LIMCH1: variants seen among roughly 807,000 people sequenced by gnomAD.
The protein encoded by LIMCH1 is LIM and calponin homology domains-containing protein 1.
In LIMCH1, 113 loss-of-function variants were observed where a neutral mutation model predicts 176.5. The observed-to-expected ratio is 0.64, with a 90% confidence interval of 0.55 to 0.75. The LOEUF (loss-of-function observed/expected upper bound fraction) is 0.75, where lower values mean the gene tolerates loss of function less well. Ranked by LOEUF, LIMCH1 falls within the 30% of genes least tolerant of loss-of-function variation. The probability of loss-of-function intolerance (pLI) is 0.00; values close to 1 mark genes in which losing one functional copy is unlikely to be tolerated. For synonymous variants in LIMCH1, 619 were observed against 645.9 expected (o/e 0.96, Z 0.63); for missense variants, 1,674 against 1,814.9 (o/e 0.92, Z 1.41).
chr4:41,381,891 A>G (rs1276427073), intron 1 of LIMCH1, among the ~76,000 whole-genome samples: 3 of 152,082 alleles, frequency 2.0e-5, no homozygotes, highest in African/African-American at 7.2e-5. Context: ...GGAGCTGTTC[A>G]TTTTAGGATG....
At chr4:41,680,225 C>T (rs1348010059) in intron 24 of LIMCH1, 127 bp downstream of exon 24, 5 of 661,226 alleles carry the variant, frequency 7.6e-6, no homozygotes, top group Non-Finnish European at 1.4e-5. Context: ...AGCAGAATCC[C>T]ATCAAGCTCT....
At chr4:41,573,319 T>TA (rs1279608169) in intron 1 of LIMCH1, among the ~76,000 whole-genome samples, 1 of 152,198 alleles carries the variant, frequency 6.6e-6, no homozygotes, top group Admixed American at 6.5e-5. Context: ...CTATGATATG[T>TA]AATCACTATG....
chr4:41,483,401 G>T (rs1179970142), intron 1 of LIMCH1, among the ~76,000 whole-genome samples: 1 of 152,130 alleles, frequency 6.6e-6, no homozygotes, highest in Non-Finnish European at 1.5e-5. Flanking sequence ...GAGTGGGAGA[G>T]TCCACGGAGA....
chr4:41,410,222 T>C (rs2059358102), intron 1 of LIMCH1, among the ~76,000 whole-genome samples: 2 of 152,012 alleles, frequency 1.3e-5, no homozygotes, highest in South Asian at 4.2e-4. Flanking sequence ...ACAAGGGAGG[T>C]ATGACTCAAG....
intron 1 of LIMCH1, among the ~76,000 whole-genome samples, chr4:41,465,397 T>C (rs572590339): frequency 1.4e-4 from 22 of 152,304 alleles, no homozygotes; most frequent in African/African-American, 5.3e-4. Flanking sequence ...CAAAATGTCT[T>C]GGCCAAATGA....
At chr4:41,361,712 A>G (rs6447061) in intron 1 of LIMCH1, among the ~76,000 whole-genome samples, 78,927 of 152,078 alleles carry the variant, frequency 0.52, 22,278 homozygotes, top group African/African-American at 0.75. Context: ...GGAAGCGCTC[A>G]CTGGGTGATC....
intron 1 of LIMCH1, among the ~76,000 whole-genome samples, chr4:41,417,942 T>TA (rs2060088550): frequency 6.6e-6 from 1 of 152,228 alleles, no homozygotes; most frequent in Admixed American, 6.5e-5. Context: ...TCCATTTTCT[T>TA]AAAAAGAAGT....
intron 3 of LIMCH1, among the ~76,000 whole-genome samples, chr4:41,530,794 T>TAAAAAAAAAAAAAAA (rs386399906): frequency 6.7e-5 from 2 of 30,056 alleles, no homozygotes; most frequent in African/African-American, 7.8e-4. Context: ...AAACCCCGCC[T>TAAAAAAAAAAAAAAA]AAAAAAAAAA....
In LIMCH1 at chr4:41,603,977, C is replaced by T. The variant is rs1374808796; in HGVS notation, c.-103+72C>T. 4 of 1,306,556 alleles carry T rather than the reference C, an allele frequency of 3.1e-6. No individual in the cohort carries two copies. The African/African-American group carries it at 4.4e-5, about 14-fold the overall frequency. The allele number at this position is 1,306,556 out of a possible 1,614,324, so 80.9% of individuals were successfully genotyped here. The stretch of plus-strand genomic sequence containing the variant: ...AAAATTTAGCTAATTCAGTGTTTCT[C>T]ATATGCCTTGCTGGAAAAAGTCCTT... On this transcript the variant is annotated intron_variant, in intron 3 of 31. Coordinates refer to ENST00000503057, the MANE Select transcript of LIMCH1 (RefSeq NM_001330672.2).
At chr4:41,594,916 A>C (rs2088440106) in intron 1 of LIMCH1, among the ~76,000 whole-genome samples, 1 of 152,158 alleles carries the variant, frequency 6.6e-6, no homozygotes, top group Non-Finnish European at 1.5e-5. Context: ...GTGGTGCCAA[A>C]TGATGTCCAG....
At chr4:41,653,308 G>A (rs986538335) in intron 18 of LIMCH1, among the ~76,000 whole-genome samples, 2 of 148,812 alleles carry the variant, frequency 1.3e-5, no homozygotes, top group African/African-American at 2.5e-5. Flanking sequence ...AGCATTTCTT[G>A]ACTGTGTTAC....
chr4:41,527,822 C>CAAA (rs34651693), intron 3 of LIMCH1, among the ~76,000 whole-genome samples: 14 of 47,104 alleles, frequency 3.0e-4, no homozygotes, highest in Admixed American at 8.9e-4. Flanking sequence ...GACTCCGTCT[C>CAAA]AAAAAAAAAA....
At chr4:41,505,160 C>G (rs184456621) in intron 2 of LIMCH1, among the ~76,000 whole-genome samples, 144 of 152,308 alleles carry the variant, frequency 9.5e-4, no homozygotes, top group African/African-American at 3.3e-3. Context: ...AGAGAAATTA[C>G]TACTTCTTGA....
chr4:41,408,532 C>G (rs1228927740), intron 1 of LIMCH1, among the ~76,000 whole-genome samples: 1 of 152,090 alleles, frequency 6.6e-6, no homozygotes, highest in African/African-American at 2.4e-5. Context: ...CTCTGCAGAC[C>G]CTCAAAATAT....
At chr4:41,692,836 A>T (rs1727249028) in intron 31 of LIMCH1, 1 of 156,800 alleles carries the variant, frequency 6.4e-6, no homozygotes, top group Admixed American at 6.2e-5. Context: ...ATTACGTCAT[A>T]TGTGTTCCCA....
intron 15 of LIMCH1, 146 bp downstream of exon 15, chr4:41,644,772 CAAAG>C (rs932084756): frequency 1.6e-4 from 159 of 982,734 alleles, no homozygotes; most frequent in Non-Finnish European, 2.1e-4. Flanking sequence ...ATGTGGGACT[CAAAG>C]GAAGGTGAGT....
At chr4:41,457,207 A>G (rs184196969) in intron 1 of LIMCH1, among the ~76,000 whole-genome samples, 92 of 152,270 alleles carry the variant, frequency 6.0e-4, no homozygotes, top group African/African-American at 2.1e-3. Context: ...TAATTTCTCA[A>G]TTGGCAATTA....
At chr4:41,454,813 C>T (rs2064338434) in intron 1 of LIMCH1, among the ~76,000 whole-genome samples, 1 of 152,132 alleles carries the variant, frequency 6.6e-6, no homozygotes, top group African/African-American at 2.4e-5. Flanking sequence ...GGTTTAAGGG[C>T]AATCCAATGC....
intron 2 of LIMCH1, among the ~76,000 whole-genome samples, chr4:41,520,704 C>G (rs966006897): frequency 1.3e-5 from 2 of 152,134 alleles, no homozygotes; most frequent in East Asian, 3.9e-4. Context: ...CTCATTGGCT[C>G]TTACATTTTT....
Sources: gnomAD v4.1 joint callset for allele counts (sites outside exome capture counted in the v4.1 genomes callset) on GRCh38, gnomAD v4.1.1 for gene constraint, MANE v1.5 for transcripts, NCBI Gene and HGNC (gene_info 2026-07-23, HGNC 2026-07-21) for gene names.